HTR1F: variants seen among roughly 807,000 people sequenced by gnomAD.
HTR1F encodes the protein 5-hydroxytryptamine (serotonin) receptor 1F, G protein-coupled.
HTR1F carries 17 observed loss-of-function variants against 24.0 expected under a neutral mutation model. That is an observed-to-expected ratio of 0.71 (90% CI 0.48 to 1.06). The LOEUF (loss-of-function observed/expected upper bound fraction) is 1.06. Among genes scored for constraint, HTR1F ranks in the 50% least tolerant of loss-of-function variants. The pLI is 0.00. For missense variants in HTR1F, 391 were observed against 427.8 expected (o/e 0.91, Z 0.76); for synonymous variants, 186 against 156.8 (o/e 1.19, Z -1.39).
chr3:87,817,141 T>C (rs1704263877), intron 1 of HTR1F, among the ~76,000 whole-genome samples: 1 of 152,166 alleles, frequency 6.6e-6, no homozygotes. Flanking sequence ...GTTACTGGAT[T>C]TCCTATCTTT....
chr3:87,837,215 T>C (rs1357372404), intron 2 of HTR1F, among the ~76,000 whole-genome samples: 1 of 152,158 alleles, frequency 6.6e-6, no homozygotes, highest in Non-Finnish European at 1.5e-5. Flanking sequence ...GGAATTTAGC[T>C]TACATAACTG....
At chr3:87,922,368 T>A (rs2107379663) in intron 2 of HTR1F, among the ~76,000 whole-genome samples, 1 of 151,982 alleles carries the variant, frequency 6.6e-6, no homozygotes, top group East Asian at 1.9e-4. Context: ...GAAATCAGAT[T>A]TTTTTCTTTT....
intron 2 of HTR1F, among the ~76,000 whole-genome samples, chr3:87,899,318 T>A (rs548391723): frequency 6.6e-6 from 1 of 152,358 alleles, no homozygotes; most frequent in East Asian, 1.9e-4. Context: ...TTAGCCATCA[T>A]AAATACTACC....
At chr3:87,875,245 G>A (rs986309118) in intron 2 of HTR1F, among the ~76,000 whole-genome samples, 1 of 152,062 alleles carries the variant, frequency 6.6e-6, no homozygotes, top group African/African-American at 2.4e-5. Flanking sequence ...GAGGTCAGGA[G>A]TTTGAGACCA....
At chr3:87,862,510 T>G (rs1705338613) in intron 2 of HTR1F, among the ~76,000 whole-genome samples, 1 of 152,194 alleles carries the variant, frequency 6.6e-6, no homozygotes, top group African/African-American at 2.4e-5. Context: ...TTTGTATTCT[T>G]TCTGTACTTT....
intron 2 of HTR1F, among the ~76,000 whole-genome samples, chr3:87,929,254 G>A (rs1704201421): frequency 6.6e-6 from 1 of 152,152 alleles, no homozygotes; most frequent in Non-Finnish European, 1.5e-5. Flanking sequence ...TAGAGAAAAT[G>A]CAGTGGTTCT....
At chr3:87,989,375 C>G (rs541276481) in intron 2 of HTR1F, among the ~76,000 whole-genome samples, 1 of 152,122 alleles carries the variant, frequency 6.6e-6, no homozygotes, top group Non-Finnish European at 1.5e-5. Flanking sequence ...TGGTAACGGA[C>G]TTGTTTGATC....
intron 2 of HTR1F, among the ~76,000 whole-genome samples, chr3:87,956,802 T>C (rs1315425104): frequency 6.6e-6 from 1 of 151,336 alleles, no homozygotes; most frequent in East Asian, 1.9e-4. Context: ...AAAACTACAA[T>C]TGATTTTTAT....
chr3:87,849,156 C>G (rs1036104287), intron 2 of HTR1F, among the ~76,000 whole-genome samples: 1 of 150,938 alleles, frequency 6.6e-6, no homozygotes, highest in Admixed American at 6.6e-5. Flanking sequence ...CCAAGTCAAT[C>G]CAAAGCCAAA....
chr3:87,970,123 C>A (rs953774568), intron 2 of HTR1F, among the ~76,000 whole-genome samples: 2 of 152,144 alleles, frequency 1.3e-5, no homozygotes, highest in African/African-American at 4.8e-5. Context: ...CAGACTAATT[C>A]ATGGAGGATG....
intron 1 of HTR1F, among the ~76,000 whole-genome samples, chr3:87,812,070 T>C (rs754131931): frequency 4.6e-5 from 7 of 152,186 alleles, no homozygotes; most frequent in African/African-American, 1.2e-4. Context: ...TGTGAGTCAA[T>C]TAAACCTATA....
chr3:87,947,689 C>T (rs1463513161), intron 2 of HTR1F, among the ~76,000 whole-genome samples: 7 of 152,066 alleles, frequency 4.6e-5, no homozygotes, highest in African/African-American at 1.4e-4. Flanking sequence ...TAATAACATC[C>T]ACTGTGGAGG....
intron 2 of HTR1F, among the ~76,000 whole-genome samples, chr3:87,986,690 T>C (rs552740990): frequency 9.8e-5 from 15 of 152,360 alleles, no homozygotes; most frequent in Non-Finnish European, 1.9e-4. Context: ...AATTTCAGAA[T>C]AATCTCTGGA....
At chr3:87,845,197 A>G (rs1191994694) in intron 2 of HTR1F, among the ~76,000 whole-genome samples, 1 of 151,206 alleles carries the variant, frequency 6.6e-6, no homozygotes, top group Admixed American at 6.6e-5. Flanking sequence ...CTCTCTCACC[A>G]CTCCTATTCA....
intron 2 of HTR1F, among the ~76,000 whole-genome samples, chr3:87,912,842 G>T (rs1331660392): frequency 3.3e-5 from 5 of 152,042 alleles, no homozygotes; most frequent in Non-Finnish European, 7.4e-5. Context: ...ATGAGGAAAG[G>T]ACTCCCTATT....
intron 2 of HTR1F, among the ~76,000 whole-genome samples, chr3:87,855,839 C>G (rs1057042355): frequency 6.6e-6 from 1 of 152,078 alleles, no homozygotes; most frequent in African/African-American, 2.4e-5. Context: ...ACTGTCCACA[C>G]TTTCTGCCTA....
intron 2 of HTR1F, among the ~76,000 whole-genome samples, chr3:87,931,533 G>T (rs1156233788): frequency 6.6e-6 from 1 of 152,148 alleles, no homozygotes; most frequent in Non-Finnish European, 1.5e-5. Context: ...CTTTATAGCA[G>T]CATGATTTAT....
Position 87,991,798 on chromosome 3 carries a change from T to C in HTR1F, c.1049T>C (p.Phe350Ser). 6.2e-7 allele frequency: 1 copy of C among 1,601,636 alleles called. No individual in the cohort carries two copies. The highest frequency in any genetic ancestry group is 8.5e-7 in the Non-Finnish European group (1 of 1,175,184). ...SLINPLIYTI[F>S]NEDFKKAFQK... The stretch of plus-strand genomic sequence containing the variant: ...ATAAATCCACTGATTTACACAATCT[T>C]TAATGAAGACTTCAAGAAAGCATTC... The change falls in exon 3 of 3, where the codon TTT (phenylalanine) becomes TCT (serine). Residue 350 changes from phenylalanine to serine, a missense_variant. Coordinates refer to ENST00000319595, the MANE Select transcript of HTR1F (RefSeq NM_001322209.2).
Position 87,969,081 on chromosome 3 carries a change from G to A in HTR1F, c.-42-21627G>A, listed in dbSNP as rs182275289. On this transcript the variant is annotated intron_variant, in intron 2 of 2. Coordinates refer to ENST00000319595, the MANE Select transcript of HTR1F (RefSeq NM_001322209.2). ...AACCTCCGCCTAGATTTCAGAGGAT[G>A]TATGGAAACACCTGGATGTCCACCC... Among the ~76,000 whole-genome samples, 97 of 152,394 alleles carry A rather than the reference G, an allele frequency of 6.4e-4. 1 individual carries two copies. Among genetic ancestry groups the A allele is most frequent in the Non-Finnish European group, 2.4e-4 (16 of 68,040 alleles).
Sources: allele counts gnomAD v4.1 joint callset (sites outside exome capture counted in the v4.1 genomes callset), GRCh38; gene constraint gnomAD v4.1.1; transcripts MANE v1.5; gene names NCBI Gene and HGNC (gene_info 2026-07-23, HGNC 2026-07-21).